Variants in THADA observed in about 807,000 individuals in gnomAD.
The protein encoded by THADA is tRNA (32-2'-O)-methyltransferase regulator THADA.
In THADA, 213 loss-of-function variants were observed where a neutral mutation model predicts 219.8. That is an observed-to-expected ratio of 0.97 (90% confidence interval 0.87 to 1.09). The LOEUF is 1.09. THADA is among the 50% of genes least tolerant of loss of function. The probability of loss-of-function intolerance (pLI) is 0.00; values close to 1 mark genes in which losing one functional copy is unlikely to be tolerated. For synonymous variants in THADA, 1,018 were observed against 828.9 expected, an observed-to-expected ratio of 1.23 and a Z score of -3.92; for missense variants, 2,956 against 2,311.3, an observed-to-expected ratio of 1.28 and a Z score of -5.72.
chr2:43,547,456 A>G (rs1389809612), intron 20 of THADA, among the ~76,000 whole-genome samples: 3 of 152,146 alleles, frequency 2.0e-5, no homozygotes, highest in Non-Finnish European at 4.4e-5. Flanking sequence ...AATATCCTGC[A>G]GTGTTTTCCA....
intron 25 of THADA, 109 bp downstream of exon 25, chr2:43,498,724 C>A: frequency 4.2e-6 from 5 of 1,183,606 alleles, no homozygotes; most frequent in East Asian, 5.5e-5. Flanking sequence ...TAAGAAAATT[C>A]ATGGTAAAGG....
intron 28 of THADA, among the ~76,000 whole-genome samples, chr2:43,412,487 G>T (rs1346548294): frequency 6.6e-6 from 1 of 152,090 alleles, no homozygotes; most frequent in East Asian, 1.9e-4. Flanking sequence ...CTATGGCTTT[G>T]ACTACATTTG....
chr2:43,393,946 T>C (rs1201646354), intron 29 of THADA, among the ~76,000 whole-genome samples: 1 of 152,142 alleles, frequency 6.6e-6, no homozygotes, highest in Non-Finnish European at 1.5e-5. Flanking sequence ...CAATATAAGA[T>C]TTTCTGAACT....
chr2:43,360,962 T>G (rs1669446293), intron 29 of THADA, among the ~76,000 whole-genome samples: 1 of 152,122 alleles, frequency 6.6e-6, no homozygotes, highest in African/African-American at 2.4e-5. Context: ...AGGAGACATC[T>G]GACAATATCT....
At chr2:43,507,614 G>A (rs1689845509) in intron 23 of THADA, among the ~76,000 whole-genome samples, 2 of 152,042 alleles carry the variant, frequency 1.3e-5, no homozygotes, top group Admixed American at 1.3e-4. Context: ...AATCATAAAG[G>A]GATTTTAGGA....
chr2:43,474,296 G>C (rs754110629), intron 26 of THADA, among the ~76,000 whole-genome samples: 3 of 152,224 alleles, frequency 2.0e-5, no homozygotes, highest in Non-Finnish European at 4.4e-5. Flanking sequence ...GTGAGAAAGA[G>C]CTCTGTTCCA....
At chr2:43,544,675 TTGTC>T (rs1431990879) in intron 20 of THADA, among the ~76,000 whole-genome samples, 3 of 151,132 alleles carry the variant, frequency 2.0e-5, no homozygotes, top group African/African-American at 7.3e-5. Flanking sequence ...GGCTCTCTGT[TTGTC>T]TGTTATTGGT....
chr2:43,532,699 G>C (rs1398079451), intron 21 of THADA, among the ~76,000 whole-genome samples: 1 of 152,146 alleles, frequency 6.6e-6, no homozygotes, highest in East Asian at 1.9e-4. Flanking sequence ...CACAAGACAA[G>C]TATGCCCTCT....
intron 25 of THADA, among the ~76,000 whole-genome samples, chr2:43,498,160 A>C (rs1688501647): frequency 6.6e-6 from 1 of 152,218 alleles, no homozygotes. Flanking sequence ...GATTCCATTT[A>C]TATGAGGTAT....
Position 43,515,126 on chromosome 2 carries a change from T to TATA in THADA, c.3375-6347_3375-6346insTAT, listed in dbSNP as rs1691299052. Reference sequence around the variant, plus strand: ...ATAATATATTTTATATATAATATATTTTATATATAATATATAATATATTTT... The same window carrying TATA: ...ATAATATATTTTATATATAATATATTATATTATATATAATATATAATATATTTT... On this transcript the variant is annotated intron_variant, in intron 22 of 37. Transcript: ENST00000405975. 5.7e-3 allele frequency among the ~76,000 whole-genome samples: 21 copies of TATA among 3,684 alleles called. 1 individual carries two copies. Among genetic ancestry groups the TATA allele is most frequent in the South Asian group, 8.5e-3 (1 of 118 alleles). 2.4% of individuals were successfully genotyped at this position (3,684 alleles called of 152,430 possible).
chr2:43,389,436 A>G (rs887866510), intron 29 of THADA, among the ~76,000 whole-genome samples: 1 of 152,206 alleles, frequency 6.6e-6, no homozygotes, highest in Non-Finnish European at 1.5e-5. Context: ...CCTATGCACC[A>G]TAGCGATACC....
intron 30 of THADA, among the ~76,000 whole-genome samples, chr2:43,323,358 T>A (rs1678969673): frequency 6.6e-6 from 1 of 152,208 alleles, no homozygotes; most frequent in Non-Finnish European, 1.5e-5. Flanking sequence ...TTGTCTAGCC[T>A]GGGGTTCTAC....
At chr2:43,465,896 C>T (rs1215518460) in intron 26 of THADA, among the ~76,000 whole-genome samples, 2 of 152,178 alleles carry the variant, frequency 1.3e-5, no homozygotes, top group African/African-American at 4.8e-5. Context: ...CCAGTCTGTT[C>T]CTCCTCCTAA....
chr2:43,351,472 A>G (rs1004898882), intron 29 of THADA, among the ~76,000 whole-genome samples: 2 of 151,604 alleles, frequency 1.3e-5, no homozygotes, highest in Admixed American at 6.6e-5. Flanking sequence ...CCTTCCCCAT[A>G]AAACTCTCCC....
intron 29 of THADA, among the ~76,000 whole-genome samples, chr2:43,369,315 G>C (rs1321564177): frequency 6.6e-6 from 1 of 152,192 alleles, no homozygotes; most frequent in Admixed American, 6.5e-5. Context: ...CCTTCCTAGA[G>C]TGGAACAAGT....
intron 26 of THADA, among the ~76,000 whole-genome samples, chr2:43,469,995 G>A (rs936988156): frequency 2.0e-5 from 3 of 152,190 alleles, no homozygotes; most frequent in African/African-American, 7.2e-5. Flanking sequence ...CAGATCACTT[G>A]AGCTCAGGAG....
At chr2:43,586,212 C>A (rs538601211) in intron 7 of THADA, among the ~76,000 whole-genome samples, 189 bp downstream of exon 7, 1 of 152,172 alleles carries the variant, frequency 6.6e-6, no homozygotes, top group Non-Finnish European at 1.5e-5. Context: ...CTGCAGCGAG[C>A]TATGATCACA....
intron 29 of THADA, among the ~76,000 whole-genome samples, chr2:43,347,645 A>G (rs1440377109): frequency 6.6e-6 from 1 of 152,294 alleles, no homozygotes; most frequent in East Asian, 1.9e-4. Flanking sequence ...AAATTGGGGG[A>G]AAGAGGTGGG....
intron 29 of THADA, among the ~76,000 whole-genome samples, chr2:43,364,233 G>C (rs1669865768): frequency 6.6e-6 from 1 of 151,882 alleles, no homozygotes; most frequent in African/African-American, 2.4e-5. Flanking sequence ...AAAAATAAAA[G>C]AAAATAAAAT....
Sources: allele counts gnomAD v4.1 joint callset (sites outside exome capture counted in the v4.1 genomes callset), GRCh38; gene constraint gnomAD v4.1.1; transcripts MANE v1.5; gene names NCBI Gene and HGNC (gene_info 2026-07-23, HGNC 2026-07-21).